The following PKD2L2 variants were observed in gnomAD, a reference collection of about 807,000 sequenced individuals.
The protein encoded by PKD2L2 is polycystin 2 like 2, transient receptor potential cation channel, also known as polycystin-2-like protein 2.
Under a neutral mutation model 83.9 loss-of-function variants are expected in PKD2L2, and 67 were observed. The observed-to-expected ratio is 0.80, with a 90% CI of 0.66 to 0.98. PKD2L2 has a LOEUF of 0.98. Ranked by LOEUF, PKD2L2 falls within the 50% of genes least tolerant of loss-of-function variation. The pLI is 0.00. For missense variants in PKD2L2, 632 were observed against 717.2 expected (o/e 0.88, Z 1.36); for synonymous variants, 223 against 237.8 (o/e 0.94, Z 0.57).
intron 8 of PKD2L2, among the ~76,000 whole-genome samples, chr5:137,919,598 A>G (rs1758704787): frequency 6.6e-6 from 1 of 152,108 alleles, no homozygotes; most frequent in South Asian, 2.1e-4. Context: ...GCCAGAAAAA[A>G]TATTTGATTT....
chr5:137,915,688 GT>G (rs1758267028), intron 8 of PKD2L2, among the ~76,000 whole-genome samples: 1 of 152,174 alleles, frequency 6.6e-6, no homozygotes. Flanking sequence ...CAAAGGGGAG[GT>G]TTTTTATTGA....
intron 4 of PKD2L2, among the ~76,000 whole-genome samples, chr5:137,899,278 G>T (rs966813420): frequency 1.3e-5 from 2 of 152,042 alleles, no homozygotes; most frequent in Admixed American, 6.6e-5. Flanking sequence ...CACCATGCCT[G>T]GCTAGTTTTT....
At chr5:137,925,484 A>G (rs562515959) in intron 11 of PKD2L2, among the ~76,000 whole-genome samples, 1 of 152,358 alleles carries the variant, frequency 6.6e-6, no homozygotes, top group Non-Finnish European at 1.5e-5. Flanking sequence ...AGAAAGCTGG[A>G]GGGGACCATA....
rs549469669 is a variant in PKD2L2, at chr5:137,942,612, C to T, written c.*246C>T. On this transcript the variant is annotated 3_prime_UTR_variant, in exon 15 of 15. Coordinates refer to ENST00000508883, the MANE Select transcript of PKD2L2 (RefSeq NM_001300921.2). ...TCCTGGCCTCAAGGGATCCTCCTGCCTCAGCTTCAAAAACTGCTGGGATTA... is the reference window on the plus strand; with the variant it reads ...TCCTGGCCTCAAGGGATCCTCCTGCTTCAGCTTCAAAAACTGCTGGGATTA... 1.8e-5 allele frequency: 7 copies of T among 384,316 alleles called. No homozygotes were observed. Among genetic ancestry groups the T allele is most frequent in the African/African-American group, 1.3e-4 (6 of 47,040 alleles). 23.8% of individuals were successfully genotyped at this position (384,316 alleles called of 1,614,324 possible). A position where few individuals can be genotyped will look rare whatever the true frequency, so the allele number is the denominator to read the frequency against.
chr5:137,928,908 C>T (rs950904150), intron 12 of PKD2L2, among the ~76,000 whole-genome samples: 2 of 152,072 alleles, frequency 1.3e-5, no homozygotes, highest in Non-Finnish European at 2.9e-5. Context: ...TTTTTTTTCA[C>T]ATTTTAACAT....
intron 8 of PKD2L2, 65 bp from the exon 9 acceptor site, chr5:137,921,571 A>T: frequency 1.0e-6 from 1 of 986,334 alleles, no homozygotes; most frequent in Non-Finnish European, 1.6e-6. Flanking sequence ...GACATTAGTA[A>T]CTCCCATCAG....
At chr5:137,935,419 T>C (rs976176070) in intron 12 of PKD2L2, among the ~76,000 whole-genome samples, 6 of 152,200 alleles carry the variant, frequency 3.9e-5, no homozygotes, top group Admixed American at 1.3e-4. Flanking sequence ...TACCCACAGA[T>C]ACACTTTGAA....
intron 12 of PKD2L2, among the ~76,000 whole-genome samples, chr5:137,928,668 G>A (rs942133286): frequency 6.6e-6 from 1 of 152,352 alleles, no homozygotes; most frequent in East Asian, 1.9e-4. Context: ...CCGGGCTCAA[G>A]TGATCCACCC....
At chr5:137,933,526 TAC>T (rs1355673775) in intron 12 of PKD2L2, among the ~76,000 whole-genome samples, 2 of 152,242 alleles carry the variant, frequency 1.3e-5, no homozygotes, top group Non-Finnish European at 2.9e-5. Context: ...GGAATAGGGC[TAC>T]AGTCTTTGTT....
chr5:137,912,886 C>A (rs1019085787), intron 8 of PKD2L2, among the ~76,000 whole-genome samples: 1 of 142,386 alleles, frequency 7.0e-6, no homozygotes, highest in African/African-American at 2.6e-5. Context: ...CTCACTGCAA[C>A]CTCCGCCTCC....
intron 8 of PKD2L2, among the ~76,000 whole-genome samples, chr5:137,909,538 ATTTTTT>A (rs144393648): frequency 8.2e-5 from 7 of 85,334 alleles, no homozygotes; most frequent in African/African-American, 2.1e-4. Flanking sequence ...GACAAAAGAA[ATTTTTT>A]TTTTTTTTTT....
chr5:137,924,943 G>A, intron 10 of PKD2L2, 97 bp from the exon 11 acceptor site: 2 of 756,048 alleles, frequency 2.6e-6, no homozygotes, highest in South Asian at 3.2e-5. Flanking sequence ...TAGCAATCCA[G>A]AGGGACAAGC....
intron 8 of PKD2L2, among the ~76,000 whole-genome samples, chr5:137,916,782 CTTTT>C (rs962720933): frequency 6.0e-5 from 9 of 151,090 alleles, no homozygotes; most frequent in African/African-American, 2.2e-4. Context: ...TGGCTGCCAC[CTTTT>C]TTTTTCTTTT....
At position 137,890,521 on chromosome 5, in the gene PKD2L2, A is replaced by T; in HGVS notation, c.72A>T (p.Glu24Asp). Residue 24 changes from glutamate to aspartate, a missense_variant, in exon 2 of 15, where the codon GAA becomes GAT. Glu to Asp is a conservative substitution (Grantham distance 45). Around this residue, in one of 3 missense-constraint regions of PKD2L2, gnomAD observed 229 missense variants for 281.5 expected, o/e 0.81. Transcript: ENST00000508883. ...KHKLHYRKEV[E>D]ITTTLQELLL... ...AGTTGCATTACAGAAAGGAAGTAGA[A>T]ATTACAACCACACTTCAGGAATTGT... 1 of 1,591,568 alleles carries T rather than the reference A, an allele frequency of 6.3e-7. No individual in the cohort carries two copies. The highest frequency in any genetic ancestry group is 1.8e-5 in the Admixed American group (1 of 57,064).
Position 137,894,733 on chromosome 5 carries a change from A to G in PKD2L2, c.524+124A>G, listed in dbSNP as rs973727893. The stretch of plus-strand genomic sequence containing the variant: ...GTAAGGAAACTGTTTCAACAATAGT[A>G]AAAAAGGAAGATGTGGAGATAGCAG... On this transcript the variant is annotated intron_variant, in intron 4 of 14. Coordinates refer to ENST00000508883, the MANE Select transcript of PKD2L2 (RefSeq NM_001300921.2). 16 of 700,094 alleles carry G rather than the reference A, an allele frequency of 2.3e-5. No homozygotes were observed. The African/African-American group carries it at 2.5e-4, about 11-fold the overall frequency. The allele number at this position is 700,094 out of a possible 1,614,324, so 43.4% of individuals were successfully genotyped here. A position where few individuals can be genotyped will look rare whatever the true frequency, so the allele number is the denominator to read the frequency against.
chr5:137,900,351 A>G (rs1055394528), intron 5 of PKD2L2, among the ~76,000 whole-genome samples: 1 of 152,202 alleles, frequency 6.6e-6, no homozygotes, highest in Admixed American at 6.5e-5. Flanking sequence ...TGTGTTTTTT[A>G]TCGTATTTAG....
intron 12 of PKD2L2, among the ~76,000 whole-genome samples, chr5:137,930,027 A>G (rs1174919206): frequency 2.6e-5 from 4 of 152,162 alleles, no homozygotes; most frequent in Admixed American, 2.6e-4. Flanking sequence ...ATCAACTTTA[A>G]TAAAGATTAC....
At chr5:137,937,049 GAC>G (rs1424466592) in intron 14 of PKD2L2, among the ~76,000 whole-genome samples, 1 of 152,184 alleles carries the variant, frequency 6.6e-6, no homozygotes, top group Non-Finnish European at 1.5e-5. Flanking sequence ...GGTAGAGAAA[GAC>G]AGTTTTCTCA....
intron 8 of PKD2L2, among the ~76,000 whole-genome samples, chr5:137,920,274 C>T (rs753465531): frequency 3.3e-5 from 5 of 152,074 alleles, no homozygotes; most frequent in Admixed American, 2.0e-4. Flanking sequence ...ATTCCTGATA[C>T]GTCCAGTGAG....
Sources: gnomAD v4.1 joint callset for allele counts (sites outside exome capture counted in the v4.1 genomes callset) on GRCh38, gnomAD v4.1.1 for gene constraint, gnomAD v4.1.1 regional missense constraint, MANE v1.5 for transcripts, NCBI Gene and HGNC (gene_info 2026-07-23, HGNC 2026-07-21) for gene names.